OCA2: variants seen among roughly 807,000 people sequenced by gnomAD.
The protein encoded by OCA2 is P protein.
A neutral mutation model predicts 100.2 loss-of-function variants in OCA2; 77 were observed. The observed-to-expected ratio is 0.77, with a 90% CI of 0.64 to 0.93. The LOEUF (loss-of-function observed/expected upper bound fraction) is 0.93, where lower values mean the gene tolerates loss of function less well. Ranked by LOEUF, OCA2 falls within the 40% of genes least tolerant of loss-of-function variation. The pLI is 0.00. For synonymous variants in OCA2, 432 were observed against 439.2 expected (o/e 0.98, Z 0.21); for missense variants, 1,062 against 1,089.1 (o/e 0.98, Z 0.35).
At position 27,945,894 on chromosome 15, in the gene OCA2, G is replaced by A. The variant is rs148021625; in HGVS notation, c.1951+5890C>T. Among the ~76,000 whole-genome samples, 367 of 152,182 alleles carry A rather than the reference G, an allele frequency of 2.4e-3. 2 individuals carry two copies. The highest frequency in any genetic ancestry group is 8.6e-3 in the African/African-American group (358 of 41,496). ...AAGATAACATTTTCAAGCCTGCCTCGCTGATTCTTTTCACAGGTTCATAAT... is the reference window on the plus strand; with the variant it reads ...AAGATAACATTTTCAAGCCTGCCTCACTGATTCTTTTCACAGGTTCATAAT... On this transcript the variant is annotated intron_variant, in intron 18 of 23. Transcript: ENST00000354638.
At chr15:27,965,140 G>A (rs1349921653) in intron 15 of OCA2, among the ~76,000 whole-genome samples, 1 of 152,098 alleles carries the variant, frequency 6.6e-6, no homozygotes, top group Non-Finnish European at 1.5e-5. Flanking sequence ...GCATAGTTGG[G>A]CAGGATGACG....
chr15:27,725,144 G>A, the OCA2 span, among the ~76,000 whole-genome samples: 13 of 152,318 alleles, frequency 8.5e-5, no homozygotes, highest in Admixed American at 2.0e-4. Context: ...GAGGAGCACC[G>A]CGGAAGGTGA....
chr15:27,770,073 G>A (rs112785208), intron 23 of OCA2, among the ~76,000 whole-genome samples: 3,699 of 152,098 alleles, frequency 0.024, 74 homozygotes, highest in Non-Finnish European at 0.041. Flanking sequence ...TTTTTTGCAG[G>A]GCCTGCAGTG....
intron 2 of OCA2, among the ~76,000 whole-genome samples, chr15:28,049,367 C>T (rs1420305663): frequency 6.6e-6 from 1 of 152,096 alleles, no homozygotes; most frequent in African/African-American, 2.4e-5. Context: ...TCATGCACTG[C>T]TAGTAATAAT....
chr15:28,051,314 GAC>G (rs1448691632), intron 2 of OCA2, among the ~76,000 whole-genome samples: 2 of 152,068 alleles, frequency 1.3e-5, no homozygotes, highest in African/African-American at 2.4e-5. Context: ...TGTTTTTTGA[GAC>G]AGTTTCACTC....
At chr15:27,771,434 C>A (rs989763316) in intron 23 of OCA2, among the ~76,000 whole-genome samples, 4 of 85,186 alleles carry the variant, frequency 4.7e-5, no homozygotes, top group African/African-American at 1.8e-4. Flanking sequence ...CAATGGGCCG[C>A]CCCTCCGTGT....
chr15:28,049,628 C>T (rs1174839697), intron 2 of OCA2, among the ~76,000 whole-genome samples: 3 of 152,112 alleles, frequency 2.0e-5, no homozygotes, highest in African/African-American at 7.2e-5. Context: ...ATCATTTACT[C>T]ATAAAAGGAA....
chr15:27,808,393 T>C (rs1025009212), intron 23 of OCA2, among the ~76,000 whole-genome samples: 2 of 152,148 alleles, frequency 1.3e-5, no homozygotes, highest in African/African-American at 4.8e-5. Context: ...AGATGCTGGG[T>C]TGGGGAGCAG....
At chr15:27,873,203 C>CTG (rs1297339426) in intron 19 of OCA2, among the ~76,000 whole-genome samples, 1 of 152,220 alleles carries the variant, frequency 6.6e-6, no homozygotes, top group Admixed American at 6.5e-5. Context: ...TCGTTCTTGG[C>CTG]TGTGGGGCTG....
At chr15:27,934,082 T>C (rs2039361964) in intron 18 of OCA2, among the ~76,000 whole-genome samples, 1 of 152,148 alleles carries the variant, frequency 6.6e-6, no homozygotes. Context: ...GTGATATACA[T>C]ATATATCACA....
the OCA2 span, among the ~76,000 whole-genome samples, chr15:27,738,469 C>G: frequency 6.6e-6 from 1 of 152,200 alleles, no homozygotes; most frequent in Admixed American, 6.5e-5. Context: ...GGCGCGGTGG[C>G]TCATGCCTGT....
chr15:27,821,295 T>C lies in OCA2; in HGVS notation c.2432+23664A>G, dbSNP rs554087835. Among the ~76,000 whole-genome samples, 4 of 152,274 alleles carry C rather than the reference T, an allele frequency of 2.6e-5. No individual in the cohort carries two copies. In the East Asian group the frequency reaches 7.7e-4, roughly 29 times the overall value. ...GGTAATTCTGCTGCTACCCCTGAAA[T>C]GTTAATTCAGGCAAGTACTTGTATA... is the stretch of plus-strand genomic sequence containing the variant. On this transcript the variant is annotated intron_variant, in intron 23 of 23. Transcript: ENST00000354638.
At chr15:27,980,153 T>C (rs549604678) in intron 14 of OCA2, among the ~76,000 whole-genome samples, 3 of 152,042 alleles carry the variant, frequency 2.0e-5, no homozygotes, top group Non-Finnish European at 4.4e-5. Context: ...AGACAGAGTC[T>C]CGCTCTGTTG....
the OCA2 span, among the ~76,000 whole-genome samples, chr15:27,736,942 C>G: frequency 6.6e-6 from 1 of 152,152 alleles, no homozygotes; most frequent in African/African-American, 2.4e-5. Flanking sequence ...GTGGAAAATA[C>G]AAGAGTTCAT....
At chr15:28,045,088 T>C (rs2043309985) in intron 2 of OCA2, among the ~76,000 whole-genome samples, 1 of 152,242 alleles carries the variant, frequency 6.6e-6, no homozygotes, top group South Asian at 2.1e-4. Context: ...ATACTTGTTT[T>C]CTATTTGACA....
intron 23 of OCA2, among the ~76,000 whole-genome samples, chr15:27,807,944 C>T (rs2033923878): frequency 6.6e-6 from 1 of 152,208 alleles, no homozygotes; most frequent in Non-Finnish European, 1.5e-5. Context: ...CTCCCCTGTA[C>T]ATTTACTGAC....
chr15:27,829,013 G>A (rs901759429), intron 23 of OCA2, among the ~76,000 whole-genome samples: 1 of 152,216 alleles, frequency 6.6e-6, no homozygotes, highest in Non-Finnish European at 1.5e-5. Context: ...AACAGGACTC[G>A]AAGCTGGGAG....
intron 23 of OCA2, among the ~76,000 whole-genome samples, chr15:27,764,765 G>C (rs2031121258): frequency 6.6e-6 from 1 of 152,160 alleles, no homozygotes; most frequent in South Asian, 2.1e-4. Flanking sequence ...TACAGGAAAG[G>C]GGTCCTGATC....
At chr15:28,054,306 G>A (rs975510426) in intron 2 of OCA2, among the ~76,000 whole-genome samples, 1 of 152,178 alleles carries the variant, frequency 6.6e-6, no homozygotes, top group Non-Finnish European at 1.5e-5. Context: ...ATAACTGTGT[G>A]GGTATGTATG....
Sources: gnomAD v4.1 joint callset for allele counts (sites outside exome capture counted in the v4.1 genomes callset) on GRCh38, gnomAD v4.1.1 for gene constraint, MANE v1.5 for transcripts, NCBI Gene and HGNC (gene_info 2026-07-23, HGNC 2026-07-21) for gene names.